PLEKHB2: variants seen among roughly 807,000 people sequenced by gnomAD.
PLEKHB2 encodes pleckstrin homology domain containing B2.
PLEKHB2 carries 31 observed loss-of-function variants against 36.5 expected under a neutral mutation model. The ratio of observed to expected loss-of-function variants is 0.85; its 90% CI spans 0.64 to 1.15. The LOEUF is 1.15. Among genes scored for constraint, PLEKHB2 ranks in the 50% most tolerant of loss-of-function variants. The pLI, the probability that PLEKHB2 is intolerant of heterozygous loss-of-function variation, is 0.00. For synonymous variants in PLEKHB2, 119 were observed against 112.0 expected, an observed-to-expected ratio of 1.06 and a Z score of -0.39; for missense variants, 262 against 295.3, an observed-to-expected ratio of 0.89 and a Z score of 0.83.
intron 2 of PLEKHB2, 84 bp downstream of exon 2, chr2:131,121,062 A>AAGCAAATAACAAAGTTTTATG (rs1696465125): frequency 7.2e-7 from 1 of 1,380,022 alleles, no homozygotes; most frequent in African/African-American, 1.4e-5. Context: ...TCATATTTAA[A>AAGCAAATAACAAAGTTTTATG]AGCAAATAAC....
At chr2:131,107,984 C>G (rs1203489179) in intron 1 of PLEKHB2, 1 of 152,210 alleles carries the variant, frequency 6.6e-6, no homozygotes, top group Non-Finnish European at 1.5e-5. Context: ...TTTGGACCAT[C>G]TACTACAGGG....
chr2:131,133,234 TTAA>T (rs201405341), intron 6 of PLEKHB2, among the ~76,000 whole-genome samples: 6 of 152,222 alleles, frequency 3.9e-5, no homozygotes, highest in Non-Finnish European at 8.8e-5. Context: ...ATGCATCATG[TTAA>T]TGATAGTTGC....
At chr2:131,132,874 T>C (rs761606300) in intron 5 of PLEKHB2, 28 bp from the exon 6 acceptor site, 3 of 1,328,370 alleles carry the variant, frequency 2.3e-6, no homozygotes, top group Admixed American at 3.4e-5. Flanking sequence ...GAAGCTGTCC[T>C]GTCCTCACCC....
Position 131,146,825 on chromosome 2 carries a change from T to C in PLEKHB2, c.*52T>C. ...CTTCTGATAACCCTGTGTGCAATAA[T>C]ATGATTTGCAGGGCATTTCTGTTTG... On this transcript the variant is annotated 3_prime_UTR_variant, in exon 8 of 8. Transcript: ENST00000693505. 2 of 1,460,450 alleles carry C rather than the reference T, an allele frequency of 1.4e-6. No homozygotes were observed. Among genetic ancestry groups the C allele is most frequent in the Non-Finnish European group, 1.8e-6 (2 of 1,082,796 alleles). 90.5% of individuals were successfully genotyped at this position (1,460,450 alleles called of 1,614,324 possible).
chr2:131,131,398 A>C (rs889987404), intron 5 of PLEKHB2, among the ~76,000 whole-genome samples: 3 of 152,184 alleles, frequency 2.0e-5, no homozygotes, highest in African/African-American at 7.2e-5. Context: ...CAGCCTGTGA[A>C]ACAAACATTT....
intron 1 of PLEKHB2, among the ~76,000 whole-genome samples, chr2:131,106,076 C>T (rs1049346720): frequency 6.6e-6 from 1 of 152,136 alleles, no homozygotes; most frequent in Non-Finnish European, 1.5e-5. Context: ...TATCTCTCTT[C>T]ATGTTTGATT....
chr2:131,117,667 G>A (rs189030440), intron 1 of PLEKHB2, among the ~76,000 whole-genome samples: 1 of 152,252 alleles, frequency 6.6e-6, no homozygotes, highest in African/African-American at 2.4e-5. Context: ...GGAAGCTGTA[G>A]TATGAATATA....
At chr2:131,110,338 C>G (rs1321616368) in intron 1 of PLEKHB2, among the ~76,000 whole-genome samples, 1 of 145,872 alleles carries the variant, frequency 6.9e-6, no homozygotes, top group African/African-American at 2.6e-5. Context: ...TTTTTTTCCT[C>G]CCCAGTCCTT....
At chr2:131,114,448 T>C (rs1695653292) in intron 1 of PLEKHB2, among the ~76,000 whole-genome samples, 1 of 152,204 alleles carries the variant, frequency 6.6e-6, no homozygotes, top group Non-Finnish European at 1.5e-5. Context: ...TTGCCCATTG[T>C]CTTGGTGATT....
At chr2:131,123,144 T>C (rs1167390585) in intron 2 of PLEKHB2, among the ~76,000 whole-genome samples, 1 of 152,260 alleles carries the variant, frequency 6.6e-6, no homozygotes. Context: ...TCCAGTGTTC[T>C]GGTCCATGGG....
intron 2 of PLEKHB2, among the ~76,000 whole-genome samples, 166 bp downstream of exon 2, chr2:131,121,144 A>G (rs570833622): frequency 6.6e-6 from 1 of 152,346 alleles, no homozygotes; most frequent in Admixed American, 6.5e-5. Flanking sequence ...TGTCTTGCAC[A>G]CCACGGAGCT....
At chr2:131,135,638 G>A (rs967290109) in intron 6 of PLEKHB2, among the ~76,000 whole-genome samples, 48 of 151,784 alleles carry the variant, frequency 3.2e-4, no homozygotes, top group Admixed American at 1.3e-4. Flanking sequence ...GTCTCGCTCT[G>A]TCACCCAGGC....
At chr2:131,117,170 G>T (rs539492183) in intron 1 of PLEKHB2, among the ~76,000 whole-genome samples, 1 of 152,062 alleles carries the variant, frequency 6.6e-6, no homozygotes, top group South Asian at 2.1e-4. Flanking sequence ...CCATTAGAAG[G>T]CTGGGCATGG....
rs1426625476 is a variant in PLEKHB2 at position 131,120,863 on chromosome 2, T to A, written c.-8-71T>A. On this transcript the variant is annotated intron_variant, in intron 1 of 7. Coordinates refer to ENST00000693505, the MANE Select transcript of PLEKHB2 (RefSeq NM_001100623.2). ...CAGCTGATGCTGAAGGGGATAAGGA[T>A]AGAGACTCGGGCCGGACAGGCTATT... 6 of 1,472,118 alleles carry A rather than the reference T, an allele frequency of 4.1e-6. No homozygotes were observed. In the East Asian group the frequency reaches 1.4e-4, roughly 33 times the overall value. 91.2% of individuals were successfully genotyped at this position (1,472,118 alleles called of 1,614,324 possible).
At chr2:131,131,853 T>C (rs544252359) in intron 5 of PLEKHB2, among the ~76,000 whole-genome samples, 1 of 151,976 alleles carries the variant, frequency 6.6e-6, no homozygotes, top group South Asian at 2.1e-4. Flanking sequence ...TTTTTTTTTT[T>C]GAGACAGTCT....
Position 131,126,957 on chromosome 2 carries a change from C to T in PLEKHB2, c.293+171C>T. The T allele has an allele frequency of 3.4e-6, 2 of 579,728 alleles. 1 individual carries two copies. Among genetic ancestry groups the T allele is most frequent in the Admixed American group, 6.0e-5 (2 of 33,316 alleles). The allele number at this position is 579,728 out of a possible 1,614,324, so 35.9% of individuals were successfully genotyped here. ...GTCGCTTTTCCAATTCTAGTTTCTG[C>T]CTCTCTCAGACTGCCTAGGCCGATC... On this transcript the variant is annotated intron_variant, in intron 4 of 7. Coordinates refer to ENST00000693505, the MANE Select transcript of PLEKHB2 (RefSeq NM_001100623.2).
At chr2:131,138,595 A>G (rs1282574779) in intron 6 of PLEKHB2, among the ~76,000 whole-genome samples, 1 of 152,162 alleles carries the variant, frequency 6.6e-6, no homozygotes, top group Non-Finnish European at 1.5e-5. Context: ...GTTGACACCC[A>G]TGGGCCAGGT....
At chr2:131,113,733 G>C (rs1695567632) in intron 1 of PLEKHB2, among the ~76,000 whole-genome samples, 1 of 152,150 alleles carries the variant, frequency 6.6e-6, no homozygotes. Context: ...TGGAGAATTT[G>C]ACTTTCACGG....
intron 7 of PLEKHB2, among the ~76,000 whole-genome samples, chr2:131,141,887 A>G (rs2104969973): frequency 6.6e-6 from 1 of 152,346 alleles, no homozygotes; most frequent in African/African-American, 2.4e-5. Flanking sequence ...CACCACTTCT[A>G]ATATTAACCA....
Sources: allele counts gnomAD v4.1 joint callset (sites outside exome capture counted in the v4.1 genomes callset), GRCh38; gene constraint gnomAD v4.1.1; transcripts MANE v1.5; gene names NCBI Gene and HGNC (gene_info 2026-07-23, HGNC 2026-07-21).